The following FA2H variants were observed in gnomAD, a reference collection of about 807,000 sequenced individuals.
FA2H encodes fatty acid alpha-hydroxylase.
A neutral mutation model predicts 44.9 loss-of-function variants in FA2H; 22 were observed. The observed-to-expected ratio is 0.49, with a 90% CI of 0.35 to 0.70. FA2H has a LOEUF of 0.70. FA2H is among the 30% of genes least tolerant of loss of function. The pLI, the probability that FA2H is intolerant of heterozygous loss-of-function variation, is 0.01. For synonymous variants in FA2H, 243 were observed against 213.2 expected, an observed-to-expected ratio of 1.14 and a Z score of -1.22; for missense variants, 501 against 504.9, an observed-to-expected ratio of 0.99 and a Z score of 0.07.
chr16:74,758,606 G>A (rs1962655849), intron 1 of FA2H, among the ~76,000 whole-genome samples: 1 of 152,018 alleles, frequency 6.6e-6, no homozygotes, highest in African/African-American at 2.4e-5. Context: ...AATGCCATTA[G>A]AGAGTATTAA....
chr16:74,751,261 A>G (rs1202050029), intron 1 of FA2H, among the ~76,000 whole-genome samples: 3 of 151,244 alleles, frequency 2.0e-5, no homozygotes, highest in East Asian at 1.9e-4. Flanking sequence ...TGCCTGACTA[A>G]TTTTTTGTAT....
intron 1 of FA2H, among the ~76,000 whole-genome samples, chr16:74,770,022 C>A (rs1962878558): frequency 6.6e-6 from 1 of 152,218 alleles, no homozygotes; most frequent in Non-Finnish European, 1.5e-5. Flanking sequence ...ACAAACGGGT[C>A]CAGGCCTTCT....
chr16:74,764,956 G>A (rs1188497996), intron 1 of FA2H, among the ~76,000 whole-genome samples: 1 of 152,014 alleles, frequency 6.6e-6, no homozygotes, highest in Non-Finnish European at 1.5e-5. Flanking sequence ...ATTTTCTATG[G>A]TTAACTTCAC....
intron 1 of FA2H, among the ~76,000 whole-genome samples, chr16:74,768,707 A>G (rs1962852257): frequency 6.6e-6 from 1 of 151,852 alleles, no homozygotes; most frequent in Non-Finnish European, 1.5e-5. Context: ...CTGCACTTAG[A>G]TCTCCTCCTT....
At chr16:74,729,468 T>C (rs1227830501) in intron 2 of FA2H, among the ~76,000 whole-genome samples, 1 of 152,232 alleles carries the variant, frequency 6.6e-6, no homozygotes, top group African/African-American at 2.4e-5. Context: ...GGCATTTGAA[T>C]GTTTTCTAAT....
rs1567633766 is a variant in FA2H, at chr16:74,718,987, C to T, written c.786+1G>A. On this transcript the variant is annotated splice_donor_variant, in intron 5 of 6. Coordinates refer to ENST00000219368, the MANE Select transcript of FA2H (RefSeq NM_024306.5). LOFTEE classifies it high-confidence loss of function. ...CCGGGCTGGGACCCCGCCCCGCTCA[C>T]CTTGTGGTGCTGGCCGTGCATGACG... 1 of 1,613,648 alleles carries T rather than the reference C, an allele frequency of 6.2e-7. No individual in the cohort carries two copies. The highest frequency in any genetic ancestry group is 1.7e-5 in the Admixed American group (1 of 60,034).
intron 2 of FA2H, among the ~76,000 whole-genome samples, chr16:74,739,074 G>A (rs1369542292): frequency 6.6e-6 from 1 of 152,226 alleles, no homozygotes; most frequent in Non-Finnish European, 1.5e-5. Context: ...TCAGCTTTGT[G>A]GGGTCCCCAC....
chr16:74,763,267 G>GT lies in FA2H; in HGVS notation c.270+11218dup, dbSNP rs1015361555. On this transcript the variant is annotated intron_variant, in intron 1 of 6. Coordinates refer to ENST00000219368, the MANE Select transcript of FA2H (RefSeq NM_024306.5). ...TTATTAACGTTTGGAATTTTTTTTT[G>GT]TTTTTTTTGAGACAGAGTCTCATTC... is the stretch of plus-strand genomic sequence containing the variant. Among the ~76,000 whole-genome samples, 14 of 151,076 alleles carry GT rather than the reference G, an allele frequency of 9.3e-5. No individual in the cohort carries two copies. In the East Asian group the frequency reaches 9.7e-4, roughly 10 times the overall value.
rs1268572158 is a variant in FA2H at position 74,714,179 on chromosome 16, G to A, written c.*11C>T. On this transcript the variant is annotated 3_prime_UTR_variant, in exon 7 of 7. Transcript: ENST00000219368. ...GCCGGGCTGAGGGCAGGACGGAGGGGGTGGGAGTTGTCACTGCGTCTTCAG... is the reference window on the plus strand; with the variant it reads ...GCCGGGCTGAGGGCAGGACGGAGGGAGTGGGAGTTGTCACTGCGTCTTCAG... The A allele has an allele frequency of 6.5e-7, 1 of 1,541,156 alleles. No individual in the cohort carries two copies. Among genetic ancestry groups the A allele is most frequent in the Non-Finnish European group, 8.8e-7 (1 of 1,136,072 alleles).
At chr16:74,764,681 T>C (rs1290552894) in intron 1 of FA2H, among the ~76,000 whole-genome samples, 4 of 151,892 alleles carry the variant, frequency 2.6e-5, no homozygotes, top group Admixed American at 6.6e-5. Context: ...GACATGAGTT[T>C]ACCTATTTAA....
At chr16:74,743,240 C>T (rs1165061557) in intron 1 of FA2H, among the ~76,000 whole-genome samples, 2 of 152,290 alleles carry the variant, frequency 1.3e-5, no homozygotes, top group African/African-American at 2.4e-5. Flanking sequence ...TCTTTTGGCT[C>T]AAGCTGGTTG....
chr16:74,741,808 A>ATATGTG lies in FA2H; in HGVS notation c.271-1694_271-1693insCACATA, dbSNP rs1491185782. On this transcript the variant is annotated intron_variant, in intron 1 of 6. Transcript: ENST00000219368. ...TATATATATATATATATATATATAT[A>ATATGTG]TGTGTGTGTGTGTGTGTGTGTGTGT... Among the ~76,000 whole-genome samples the ATATGTG allele has an allele frequency of 3.9e-3, 190 of 48,340 alleles. 1 individual carries two copies. Among genetic ancestry groups the ATATGTG allele is most frequent in the African/African-American group, 0.016 (151 of 9,204 alleles). 31.7% of individuals were successfully genotyped at this position (48,340 alleles called of 152,430 possible).
chr16:74,774,810 T>A lies in FA2H; in HGVS notation c.-55A>T, dbSNP rs1597577953. 1 of 1,253,996 alleles carries A rather than the reference T, an allele frequency of 8.0e-7. No homozygotes were observed. The highest frequency in any genetic ancestry group is 1.0e-6 in the Non-Finnish European group (1 of 1,002,846). The allele number at this position is 1,253,996 out of a possible 1,614,324, so 77.7% of individuals were successfully genotyped here. A position where few individuals can be genotyped will look rare whatever the true frequency, so the allele number is the denominator to read the frequency against. ...CCCGGCGTCTGCTCTGCTGCCACCCTGAGCGCCTCTAACATCCCGGGAGCC... is the reference window on the plus strand; with the variant it reads ...CCCGGCGTCTGCTCTGCTGCCACCCAGAGCGCCTCTAACATCCCGGGAGCC... On this transcript the variant is annotated 5_prime_UTR_variant, in exon 1 of 7. Transcript: ENST00000219368.
intron 6 of FA2H, 94 bp downstream of exon 6, chr16:74,716,253 A>C: frequency 6.9e-7 from 1 of 1,453,572 alleles, no homozygotes; most frequent in Non-Finnish European, 9.5e-7. Flanking sequence ...CCGTACATGG[A>C]ACAGTGCCTT....
intron 2 of FA2H, among the ~76,000 whole-genome samples, chr16:74,735,587 C>T (rs543488148): frequency 1.5e-4 from 23 of 152,296 alleles, no homozygotes; most frequent in Middle Eastern, 3.4e-3. Context: ...TGAAGACGAG[C>T]GAAGGGAGCC....
chr16:74,746,951 G>T (rs1382967982), intron 1 of FA2H, among the ~76,000 whole-genome samples: 1 of 152,136 alleles, frequency 6.6e-6, no homozygotes, highest in Non-Finnish European at 1.5e-5. Flanking sequence ...GGAAGCAGCG[G>T]GTCAGGGAGC....
intron 5 of FA2H, among the ~76,000 whole-genome samples, chr16:74,718,631 C>G (rs1961760420): frequency 6.6e-6 from 1 of 152,182 alleles, no homozygotes; most frequent in Non-Finnish European, 1.5e-5. Flanking sequence ...GAGCGCAAGG[C>G]TTTTTGTTGT....
intron 1 of FA2H, among the ~76,000 whole-genome samples, chr16:74,754,684 C>T (rs1406793770): frequency 2.0e-5 from 3 of 152,030 alleles, no homozygotes; most frequent in Non-Finnish European, 4.4e-5. Flanking sequence ...CACGCCACCA[C>T]ATCCGGGTAA....
intron 5 of FA2H, among the ~76,000 whole-genome samples, chr16:74,717,662 G>A (rs968819524): frequency 5.9e-5 from 9 of 152,222 alleles, no homozygotes; most frequent in East Asian, 1.9e-4. Flanking sequence ...CTGAGAACAC[G>A]TTCCTGATTG....
Sources: allele counts gnomAD v4.1 joint callset (sites outside exome capture counted in the v4.1 genomes callset), GRCh38; gene constraint gnomAD v4.1.1; transcripts MANE v1.5; gene names NCBI Gene and HGNC (gene_info 2026-07-23, HGNC 2026-07-21).